The following SNX24 variants were observed in gnomAD, a reference collection of about 807,000 sequenced individuals.
The protein encoded by SNX24 is sorting nexin 24.
A neutral mutation model predicts 28.7 loss-of-function variants in SNX24; 22 were observed. The observed-to-expected ratio is 0.77, with a 90% CI of 0.55 to 1.10. SNX24 has a LOEUF of 1.10. Ranked by LOEUF, SNX24 falls within the 50% of genes least tolerant of loss-of-function variation. The probability of loss-of-function intolerance (pLI) is 0.00; values close to 1 mark genes in which losing one functional copy is unlikely to be tolerated. For missense variants in SNX24, 221 were observed against 201.1 expected, an observed-to-expected ratio of 1.10 and a Z score of -0.60; for synonymous variants, 69 against 71.5, an observed-to-expected ratio of 0.96 and a Z score of 0.18.
chr5:122,871,096 T>C (rs1258615749), intron 1 of SNX24, among the ~76,000 whole-genome samples: 2 of 152,186 alleles, frequency 1.3e-5, no homozygotes, highest in African/African-American at 4.8e-5. Context: ...ACTACTGCAC[T>C]GAAGATGTCT....
chr5:122,902,317 G>T (rs1757478449), intron 1 of SNX24, among the ~76,000 whole-genome samples: 1 of 152,226 alleles, frequency 6.6e-6, no homozygotes, highest in Non-Finnish European at 1.5e-5. Flanking sequence ...CTCCAGTTGG[G>T]ATGGCACCAG....
chr5:122,881,659 G>T (rs937648273), intron 1 of SNX24, among the ~76,000 whole-genome samples: 12 of 151,912 alleles, frequency 7.9e-5, no homozygotes, highest in African/African-American at 2.9e-4. Context: ...ACTGAGTAGG[G>T]ATTATAATTA....
intron 1 of SNX24, among the ~76,000 whole-genome samples, chr5:122,887,654 A>G (rs188089130): frequency 2.4e-4 from 36 of 152,074 alleles, no homozygotes; most frequent in African/African-American, 8.2e-4. Flanking sequence ...TTTTCTCTTC[A>G]GCTTTGTCTA....
At chr5:123,006,946 A>C (rs528898841) in intron 6 of SNX24, among the ~76,000 whole-genome samples, 1 of 152,366 alleles carries the variant, frequency 6.6e-6, no homozygotes, top group Admixed American at 6.5e-5. Flanking sequence ...GCTTTAGGAT[A>C]GTTCCTGGAT....
chr5:122,981,655 ATGTTT>A (rs1169988769), intron 3 of SNX24, among the ~76,000 whole-genome samples: 1 of 150,392 alleles, frequency 6.6e-6, no homozygotes, highest in South Asian at 2.1e-4. Context: ...AATCAAATAC[ATGTTT>A]TGTTTTGTTT....
chr5:122,873,130 G>C (rs1418473730), intron 1 of SNX24, among the ~76,000 whole-genome samples: 3 of 151,978 alleles, frequency 2.0e-5, no homozygotes, highest in Admixed American at 1.3e-4. Flanking sequence ...ACCATGCCTG[G>C]CTAATTTTAT....
At chr5:122,855,219 A>G (rs926456269) in intron 1 of SNX24, among the ~76,000 whole-genome samples, 1 of 151,972 alleles carries the variant, frequency 6.6e-6, no homozygotes, top group African/African-American at 2.4e-5. Flanking sequence ...CTACAGGTGC[A>G]GGCCACTATG....
intron 1 of SNX24, among the ~76,000 whole-genome samples, chr5:122,864,551 C>T (rs1346378642): frequency 6.6e-6 from 1 of 152,118 alleles, no homozygotes; most frequent in African/African-American, 2.4e-5. Flanking sequence ...GTTTTAAGGA[C>T]AATTTAGTGG....
At chr5:122,924,679 G>C (rs1272066980) in intron 1 of SNX24, among the ~76,000 whole-genome samples, 1 of 152,178 alleles carries the variant, frequency 6.6e-6, no homozygotes, top group Non-Finnish European at 1.5e-5. Flanking sequence ...TGCCAGGCTA[G>C]GTGCTAAGGG....
chr5:122,943,242 T>A (rs1345832239), intron 2 of SNX24, among the ~76,000 whole-genome samples: 1 of 152,184 alleles, frequency 6.6e-6, no homozygotes, highest in Non-Finnish European at 1.5e-5. Flanking sequence ...TATGAACCTA[T>A]CGCAGTAGTT....
At chr5:122,888,830 T>C (rs1421230548) in intron 1 of SNX24, among the ~76,000 whole-genome samples, 1 of 152,230 alleles carries the variant, frequency 6.6e-6, no homozygotes, top group Non-Finnish European at 1.5e-5. Flanking sequence ...CTTGGAATTC[T>C]GTAAGTTATA....
chr5:123,000,037 AT>A (rs1457482541), intron 4 of SNX24, 31 bp downstream of exon 4: 15 of 1,363,426 alleles, frequency 1.1e-5, no homozygotes, highest in Non-Finnish European at 1.6e-5. Context: ...TTGGATGTGT[AT>A]TTTAAATTAC....
intron 3 of SNX24, among the ~76,000 whole-genome samples, chr5:122,969,236 G>A (rs1032221184): frequency 2.0e-5 from 3 of 152,114 alleles, no homozygotes; most frequent in South Asian, 2.1e-4. Context: ...TTCAGAATGT[G>A]TCCACCTCTT....
chr5:122,974,550 G>A (rs1474855863), intron 3 of SNX24, among the ~76,000 whole-genome samples: 2 of 152,216 alleles, frequency 1.3e-5, no homozygotes, highest in African/African-American at 4.8e-5. Context: ...TGCATACCAG[G>A]TACCAGGAAA....
intron 1 of SNX24, among the ~76,000 whole-genome samples, chr5:122,912,734 G>GTT (rs71223068): frequency 3.3e-4 from 45 of 137,030 alleles, no homozygotes; most frequent in Admixed American, 1.5e-3. Context: ...AATCATGTGG[G>GTT]TTTTTTTTTT....
chr5:122,952,033 T>C (rs994572179), intron 3 of SNX24, among the ~76,000 whole-genome samples: 5 of 152,252 alleles, frequency 3.3e-5, no homozygotes, highest in Admixed American at 2.0e-4. Context: ...AACTGTTTCA[T>C]GCACAAAATT....
intron 1 of SNX24, among the ~76,000 whole-genome samples, chr5:122,907,537 A>G (rs1261029983): frequency 6.6e-6 from 1 of 152,144 alleles, no homozygotes; most frequent in East Asian, 1.9e-4. Context: ...GAGAAGTCAC[A>G]TGGCAAAATA....
chr5:122,875,846 A>G (rs750404957), intron 1 of SNX24, among the ~76,000 whole-genome samples: 2 of 152,160 alleles, frequency 1.3e-5, no homozygotes, highest in Non-Finnish European at 2.9e-5. Context: ...CTGGAGTGCA[A>G]TGGTGCAGTC....
intron 3 of SNX24, among the ~76,000 whole-genome samples, chr5:122,997,338 G>A (rs1762084210): frequency 2.0e-5 from 3 of 152,064 alleles, no homozygotes; most frequent in Non-Finnish European, 2.9e-5. Flanking sequence ...GAGAATATTC[G>A]GTGAAAATTT....
Sources: allele counts gnomAD v4.1 joint callset (sites outside exome capture counted in the v4.1 genomes callset), GRCh38; gene constraint gnomAD v4.1.1; transcripts MANE v1.5; gene names NCBI Gene and HGNC (gene_info 2026-07-23, HGNC 2026-07-21).